The following POTED variants were observed in gnomAD, a reference collection of about 807,000 sequenced individuals.
The protein encoded by POTED is POTE ankyrin domain family member D.
POTED carries 7 observed loss-of-function variants against 19.0 expected under a neutral mutation model. The observed-to-expected ratio is 0.37, with a 90% CI of 0.21 to 0.69. POTED has a LOEUF of 0.69. POTED is among the 30% of genes least tolerant of loss of function. The pLI, the probability that POTED is intolerant of heterozygous loss-of-function variation, is 0.56. For synonymous variants in POTED, 16 were observed against 92.0 expected, an observed-to-expected ratio of 0.17 and a Z score of 4.73; for missense variants, 54 against 278.5, an observed-to-expected ratio of 0.19 and a Z score of 5.74.
chr21:13,626,270 C>T (rs2011185540), intron 6 of POTED, among the ~76,000 whole-genome samples: 1 of 75,932 alleles, frequency 1.3e-5, no homozygotes. Flanking sequence ...TGTCACAGCT[C>T]TGAATTCACA....
At chr21:13,631,577 G>A (rs1601487051) in intron 9 of POTED, among the ~76,000 whole-genome samples, 1 of 57,198 alleles carries the variant, frequency 1.7e-5, no homozygotes, top group Non-Finnish European at 2.9e-5. Flanking sequence ...TCCCACTAAT[G>A]AGTAAGAATA....
chr21:13,627,427 G>A (rs2011190536), intron 6 of POTED, among the ~76,000 whole-genome samples: 1 of 71,384 alleles, frequency 1.4e-5, no homozygotes, highest in Non-Finnish European at 2.5e-5. Flanking sequence ...TGGTGACAGA[G>A]CAAGACCCTG....
chr21:13,612,486 AAAAT>A (rs771854822), intron 1 of POTED, among the ~76,000 whole-genome samples: 1 of 80,276 alleles, frequency 1.2e-5, no homozygotes, highest in Non-Finnish European at 2.2e-5. Context: ...TAAATAAATA[AAAAT>A]AAATAAATAA....
intron 9 of POTED, among the ~76,000 whole-genome samples, chr21:13,637,004 A>ATATATATATATATATATTTT (rs1481200854): frequency 6.1e-5 from 1 of 16,470 alleles, no homozygotes; most frequent in Admixed American, 7.4e-4. Context: ...ATATATATAT[A>ATATATATATATATATATTTT]TTTTTTTTTT....
In POTED at chr21:13,639,756, A is replaced by G. The variant is rs549044823; in HGVS notation, c.1533+118A>G. 2.3e-5 allele frequency: 13 copies of G among 555,342 alleles called. 3 individuals are homozygous for G. The highest frequency in any genetic ancestry group is 2.9e-5 in the Non-Finnish European group (12 of 413,452). The allele number at this position is 555,342 out of a possible 1,614,324, so 34.4% of individuals were successfully genotyped here. A position where few individuals can be genotyped will look rare whatever the true frequency, so the allele number is the denominator to read the frequency against. On this transcript the variant is annotated intron_variant, in intron 10 of 10. Coordinates refer to ENST00000299443, the MANE Select transcript of POTED (RefSeq NM_174981.6). ...TATATACACACGTGTGTGTGTGTGTATATATATGTGTGTGTGTATATATAT... is the reference window on the plus strand; with the variant it reads ...TATATACACACGTGTGTGTGTGTGTGTATATATGTGTGTGTGTATATATAT...
rs556592686 is a variant in POTED, at chr21:13,640,439, C to A, written c.1533+801C>A. Among the ~76,000 whole-genome samples, 2 of 82,904 alleles carry A rather than the reference C, an allele frequency of 2.4e-5. 1 individual carries two copies. Among genetic ancestry groups the A allele is most frequent in the East Asian group, 1.2e-3 (2 of 1,672 alleles). 54.4% of individuals were successfully genotyped at this position (82,904 alleles called of 152,430 possible). A position where few individuals can be genotyped will look rare whatever the true frequency, so the allele number is the denominator to read the frequency against. On this transcript the variant is annotated intron_variant, in intron 10 of 10. Transcript: ENST00000299443. ...TTTCTTTTATATTTATATATTTACA[C>A]CACAGAAGCAACTGTGATTTTGTGG... is the stretch of plus-strand genomic sequence containing the variant.
At chr21:13,611,199 T>A (rs2011140657) in intron 1 of POTED, among the ~76,000 whole-genome samples, 1 of 79,368 alleles carries the variant, frequency 1.3e-5, no homozygotes, top group Non-Finnish European at 2.2e-5. Context: ...CTGAGTAACC[T>A]TAAAAGGAAA....
rs1568899102 is a variant in POTED, at chr21:13,637,006, T to TA, written c.1410-2509_1410-2508insA. On this transcript the variant is annotated intron_variant, in intron 9 of 10. Transcript: ENST00000299443. ...CCCAGTCTCAGGTATATATATATATTTTTTTTTTTTTTTCTTTATTCCACT... is the reference window on the plus strand; with the variant it reads ...CCCAGTCTCAGGTATATATATATATTATTTTTTTTTTTTTCTTTATTCCACT... Among the ~76,000 whole-genome samples the TA allele has an allele frequency of 2.3e-3, 23 of 9,978 alleles. 8 individuals carry two copies. The highest frequency in any genetic ancestry group is 3.2e-3 in the Non-Finnish European group (20 of 6,164). 6.5% of individuals were successfully genotyped at this position (9,978 alleles called of 152,430 possible).
Position 13,626,399 on chromosome 21 carries a change from G to T in POTED, c.1127-1983G>T, listed in dbSNP as rs1201793603. ...GAATTGACTTTCCAAGTGTTCATGAGAATTATTGAGAATTTGCTACATAGT... is the reference window on the plus strand; with the variant it reads ...GAATTGACTTTCCAAGTGTTCATGATAATTATTGAGAATTTGCTACATAGT... On this transcript the variant is annotated intron_variant, in intron 6 of 10. Transcript: ENST00000299443. Among the ~76,000 whole-genome samples the T allele has an allele frequency of 4.0e-5, 2 of 50,132 alleles. 1 individual carries two copies. Among genetic ancestry groups the T allele is most frequent in the Admixed American group, 3.7e-4 (2 of 5,344 alleles). The allele number at this position is 50,132 out of a possible 152,430, so 32.9% of individuals were successfully genotyped here.
intron 9 of POTED, among the ~76,000 whole-genome samples, chr21:13,634,112 A>AT (rs2011225028): frequency 1.5e-5 from 1 of 67,418 alleles, no homozygotes. Flanking sequence ...AGTCTTTCCT[A>AT]CTTTGGTTAA....
At chr21:13,637,575 T>G (rs540853342) in intron 9 of POTED, among the ~76,000 whole-genome samples, 2 of 66,684 alleles carry the variant, frequency 3.0e-5, no homozygotes, top group Admixed American at 1.3e-4. Context: ...TTGTATAGGT[T>G]GTTGGCTCAC....
Position 13,639,781 on chromosome 21 carries a change from T to TACAC in POTED, c.1533+160_1533+163dup, listed in dbSNP as rs150801476. 35 of 360,274 alleles carry TACAC rather than the reference T, an allele frequency of 9.7e-5. 5 individuals carry two copies. The highest frequency in any genetic ancestry group is 2.9e-3 in the Middle Eastern group (2 of 694). 22.3% of individuals were successfully genotyped at this position (360,274 alleles called of 1,614,324 possible). On this transcript the variant is annotated intron_variant, in intron 10 of 10. Coordinates refer to ENST00000299443, the MANE Select transcript of POTED (RefSeq NM_174981.6). ...ATATATATGTGTGTGTGTATATATA[T>TACAC]ACACACACACACACACACACCCTGT...
rs765941071 is a variant in POTED, at chr21:13,610,623, G to A, written c.395G>A (p.Arg132Lys). The change falls in exon 1 of 11, where the codon AGG becomes AAG. Residue 132 changes from arginine (R) to lysine (K), a missense_variant. By Grantham distance (26) the Arg-to-Lys change is conservative. This residue lies in a region of POTED where 38 missense variants were observed against 163.8 expected (regional missense o/e 0.23). Transcript: ENST00000299443. Reference sequence around the variant, plus strand: ...GACCACAGCGCCTTCATGGAGCCGAGGTACCACATCCGTCGAGAAGATCTG... The same window carrying A: ...GACCACAGCGCCTTCATGGAGCCGAAGTACCACATCCGTCGAGAAGATCTG... ...DYDHSAFMEPRYHIRREDLDK... is the reference protein window; with the variant it reads ...DYDHSAFMEPKYHIRREDLDK... The A allele has an allele frequency of 8.1e-5, 87 of 1,076,784 alleles. 33 individuals are homozygous for A. Among genetic ancestry groups the A allele is most frequent in the African/African-American group, 1.0e-4 (2 of 19,704 alleles). 66.7% of individuals were successfully genotyped at this position (1,076,784 alleles called of 1,614,324 possible). A position where few individuals can be genotyped will look rare whatever the true frequency, so the allele number is the denominator to read the frequency against.
At position 13,645,203 on chromosome 21, in the gene POTED, A is replaced by T. The variant is rs1216817299; in HGVS notation, c.*3637A>T. 1.5e-5 allele frequency among the ~76,000 whole-genome samples: 2 copies of T among 133,694 alleles called. 1 individual carries two copies. The highest frequency in any genetic ancestry group is 1.5e-4 in the Admixed American group (2 of 13,752). The allele number at this position is 133,694 out of a possible 152,430, so 87.7% of individuals were successfully genotyped here. ...TCATTCATGAGAATGTCCCCAACCT[A>T]GCCAGACAGGCCAACATTCAACTTC... On this transcript the variant is annotated 3_prime_UTR_variant, in exon 11 of 11. Transcript: ENST00000299443.
Position 13,641,955 on chromosome 21 carries a change from C to CG in POTED, c.*392dup, listed in dbSNP as rs999679440. Reference sequence around the variant, plus strand: ...TGGGCAACTTAGCCATTCCAGCGTGCGGGCTTTGGAGAGTACAAACCCACC... The same window carrying CG: ...TGGGCAACTTAGCCATTCCAGCGTGCGGGGCTTTGGAGAGTACAAACCCACC... On this transcript the variant is annotated 3_prime_UTR_variant, in exon 11 of 11. Coordinates refer to ENST00000299443, the MANE Select transcript of POTED (RefSeq NM_174981.6). Among the ~76,000 whole-genome samples, 15 of 47,778 alleles carry CG rather than the reference C, an allele frequency of 3.1e-4. 4 individuals carry two copies. Among genetic ancestry groups the CG allele is most frequent in the Admixed American group, 2.7e-3 (14 of 5,252 alleles). The allele number at this position is 47,778 out of a possible 152,430, so 31.3% of individuals were successfully genotyped here.
chr21:13,614,131 A>T (rs2011151123), intron 1 of POTED, among the ~76,000 whole-genome samples: 2 of 110,776 alleles, frequency 1.8e-5, no homozygotes, highest in South Asian at 5.6e-4. Context: ...AAAAAGAGAA[A>T]ATTTATAACA....
chr21:13,634,246 G>A lies in POTED; in HGVS notation c.1409+3139G>A, dbSNP rs1342164252. Among the ~76,000 whole-genome samples, 2 of 81,342 alleles carry A rather than the reference G, an allele frequency of 2.5e-5. 1 individual carries two copies. Among genetic ancestry groups the A allele is most frequent in the East Asian group, 1.5e-3 (2 of 1,318 alleles). The allele number at this position is 81,342 out of a possible 152,430, so 53.4% of individuals were successfully genotyped here. ...CTTGTCAGGTCTACCTGAAGAATAT[G>A]TCCAGAAGCCAGTCATATCTCATAC... is the stretch of plus-strand genomic sequence containing the variant. On this transcript the variant is annotated intron_variant, in intron 9 of 10. Coordinates refer to ENST00000299443, the MANE Select transcript of POTED (RefSeq NM_174981.6).
intron 6 of POTED, chr21:13,624,534 G>A (rs7276991): frequency 3.8e-5 from 2 of 52,378 alleles, no homozygotes; most frequent in Non-Finnish European, 6.2e-5. Flanking sequence ...CTTAGCTAAG[G>A]CAAGTTTATG....
rs2011237956 is a variant in POTED at position 13,636,924 on chromosome 21, G to A, written c.1410-2591G>A. 3.9e-5 allele frequency among the ~76,000 whole-genome samples: 2 copies of A among 51,518 alleles called. 1 individual carries two copies. The allele number at this position is 51,518 out of a possible 152,430, so 33.8% of individuals were successfully genotyped here. ...TCTGCCATGATTGTAAGTTTCCTGAGGCCTTCCCAGCCATGTGTAACTGTG... is the reference window on the plus strand; with the variant it reads ...TCTGCCATGATTGTAAGTTTCCTGAAGCCTTCCCAGCCATGTGTAACTGTG... On this transcript the variant is annotated intron_variant, in intron 9 of 10. Coordinates refer to ENST00000299443, the MANE Select transcript of POTED (RefSeq NM_174981.6).
Sources: gnomAD v4.1 joint callset for allele counts (sites outside exome capture counted in the v4.1 genomes callset) on GRCh38, gnomAD v4.1.1 for gene constraint, gnomAD v4.1.1 regional missense constraint, MANE v1.5 for transcripts, NCBI Gene and HGNC (gene_info 2026-07-23, HGNC 2026-07-21) for gene names.